Variants in ACYP2 observed in about 807,000 individuals in gnomAD.
ACYP2 encodes acylphosphatase 2.
A neutral mutation model predicts 11.2 loss-of-function variants in ACYP2; 12 were observed. The observed-to-expected ratio is 1.08, with a 90% CI of 0.69 to 1.74. The LOEUF is 1.74. ACYP2 is among the 40% of genes most tolerant of loss of function. The probability of loss-of-function intolerance (pLI) is 0.00; values close to 1 mark genes in which losing one functional copy is unlikely to be tolerated. For synonymous variants in ACYP2, 43 were observed against 32.2 expected (o/e 1.33, Z -1.13); for missense variants, 134 against 101.9 (o/e 1.31, Z -1.35).
chr2:53,973,375 C>T (rs2104503201), intron 1 of ACYP2, among the ~76,000 whole-genome samples: 1 of 152,188 alleles, frequency 6.6e-6, no homozygotes, highest in Admixed American at 6.5e-5. Context: ...CCATCATATC[C>T]CCAGTGACCT....
At chr2:54,269,609 G>A (rs1303600352) in intron 6 of ACYP2, among the ~76,000 whole-genome samples, 1 of 152,110 alleles carries the variant, frequency 6.6e-6, no homozygotes, top group Non-Finnish European at 1.5e-5. Flanking sequence ...GTTCTGGCAT[G>A]GTGAAAGATC....
chr2:54,114,478 G>A (rs890902678), intron 4 of ACYP2, among the ~76,000 whole-genome samples: 1 of 151,720 alleles, frequency 6.6e-6, no homozygotes, highest in Admixed American at 6.6e-5. Context: ...GAGGTCAGGA[G>A]TTTGAGACTA....
chr2:53,977,491 T>C (rs2104507280), intron 2 of ACYP2, among the ~76,000 whole-genome samples: 1 of 151,924 alleles, frequency 6.6e-6, no homozygotes, highest in Non-Finnish European at 1.5e-5. Context: ...TCCCAGCACT[T>C]TGGGAGGCTG....
At chr2:53,976,065 A>G (rs913374515) in intron 2 of ACYP2, among the ~76,000 whole-genome samples, 2 of 152,234 alleles carry the variant, frequency 1.3e-5, no homozygotes, top group Non-Finnish European at 2.9e-5. Flanking sequence ...TTATTGGAAC[A>G]CTAATTAATC....
intron 2 of ACYP2, among the ~76,000 whole-genome samples, chr2:53,983,898 A>G (rs1671884531): frequency 6.6e-6 from 1 of 152,216 alleles, no homozygotes; most frequent in African/African-American, 2.4e-5. Flanking sequence ...GGAACACAGA[A>G]AATGTATATC....
intron 4 of ACYP2, among the ~76,000 whole-genome samples, chr2:54,112,363 T>C (rs1679506585): frequency 1.3e-5 from 2 of 152,214 alleles, no homozygotes; most frequent in African/African-American, 4.8e-5. Context: ...CTGCATACAT[T>C]TGTTTGTATA....
intron 6 of ACYP2, among the ~76,000 whole-genome samples, chr2:54,198,779 A>C (rs1488726814): frequency 1.3e-5 from 2 of 152,200 alleles, no homozygotes; most frequent in Non-Finnish European, 2.9e-5. Context: ...AGAATCACTG[A>C]TATTACCGAA....
At chr2:54,029,439 G>A in intron 2 of ACYP2, 1 of 254,090 alleles carries the variant, frequency 3.9e-6, no homozygotes, top group Middle Eastern at 1.4e-3. Context: ...ACACACATAT[G>A]TATATATGTA....
intron 4 of ACYP2, among the ~76,000 whole-genome samples, chr2:54,097,032 A>T (rs1219713414): frequency 6.6e-6 from 1 of 152,262 alleles, no homozygotes; most frequent in Non-Finnish European, 1.5e-5. Context: ...TTTTAAAGGA[A>T]TCTTTTTCAA....
At chr2:54,262,732 A>G in intron 6 of ACYP2, among the ~76,000 whole-genome samples, 1 of 152,008 alleles carries the variant, frequency 6.6e-6, no homozygotes. Flanking sequence ...TTTTTTAGAA[A>G]TAACTTTTTA....
chr2:54,158,595 G>A, intron 6 of ACYP2, among the ~76,000 whole-genome samples: 1 of 152,186 alleles, frequency 6.6e-6, no homozygotes, highest in Non-Finnish European at 1.5e-5. Flanking sequence ...CCACTGACAT[G>A]AGATATGTGC....
chr2:54,006,413 C>A (rs1379103234), intron 2 of ACYP2, among the ~76,000 whole-genome samples: 2 of 152,108 alleles, frequency 1.3e-5, no homozygotes, highest in African/African-American at 4.8e-5. Context: ...TCCCAAAGTG[C>A]TGGGATTACA....
rs546310163 is a variant in ACYP2 at position 54,229,695 on chromosome 2, C to T, written c.405-74993C>T. Among the ~76,000 whole-genome samples, 8 of 152,212 alleles carry T rather than the reference C, an allele frequency of 5.3e-5. 1 individual carries two copies. Among genetic ancestry groups the T allele is most frequent in the Admixed American group, 5.2e-4 (8 of 15,290 alleles). On this transcript the variant is annotated intron_variant, in intron 6 of 6. Transcript: ENST00000607452. Reference sequence around the variant, plus strand: ...TTGCCTCCATATTTTATAACAGCACCAAAGACTAGTTTTTCTGTTCTGTTT... The same window carrying T: ...TTGCCTCCATATTTTATAACAGCACTAAAGACTAGTTTTTCTGTTCTGTTT...
At chr2:54,154,146 G>A (rs549027021) in intron 6 of ACYP2, among the ~76,000 whole-genome samples, 3 of 151,764 alleles carry the variant, frequency 2.0e-5, no homozygotes, top group Non-Finnish European at 2.9e-5. Context: ...TGATTTTTGC[G>A]TGTTGACTTT....
intron 2 of ACYP2, among the ~76,000 whole-genome samples, chr2:54,011,661 C>A (rs1673379924): frequency 6.6e-6 from 1 of 152,022 alleles, no homozygotes; most frequent in Admixed American, 6.6e-5. Context: ...CTATTAGAAA[C>A]AACAAAAGAT....
chr2:54,072,535 C>CTCTTTCTTCTTTCTTTCT (rs1677114384), intron 4 of ACYP2, among the ~76,000 whole-genome samples: 4 of 112,098 alleles, frequency 3.6e-5, no homozygotes, highest in South Asian at 2.7e-4. Flanking sequence ...TCTTTCTTTC[C>CTCTTTCTTCTTTCTTTCT]TTCCTTCCTT....
chr2:54,064,052 T>C (rs1164568897), intron 4 of ACYP2, among the ~76,000 whole-genome samples: 2 of 152,222 alleles, frequency 1.3e-5, no homozygotes, highest in African/African-American at 4.8e-5. Context: ...CTCGCTATTG[T>C]TGCCCTTGTT....
At chr2:53,988,452 G>A (rs770691918) in intron 2 of ACYP2, among the ~76,000 whole-genome samples, 1 of 152,004 alleles carries the variant, frequency 6.6e-6, no homozygotes, top group South Asian at 2.1e-4. Flanking sequence ...CCAGGCTGGA[G>A]TGCAGTGGCA....
intron 4 of ACYP2, among the ~76,000 whole-genome samples, chr2:54,076,462 C>T (rs906441618): frequency 2.0e-5 from 3 of 152,142 alleles, no homozygotes; most frequent in African/African-American, 7.2e-5. Context: ...AGAGAAAGGA[C>T]TGGCAGCTAG....
Sources: gnomAD v4.1 joint callset for allele counts (sites outside exome capture counted in the v4.1 genomes callset) on GRCh38, gnomAD v4.1.1 for gene constraint, MANE v1.5 for transcripts, NCBI Gene and HGNC (gene_info 2026-07-23, HGNC 2026-07-21) for gene names.